Variants in GRIA4 observed in about 807,000 individuals in gnomAD.
GRIA4 encodes the protein glutamate receptor 4.
GRIA4 carries 34 observed loss-of-function variants against 104.0 expected under a neutral mutation model. The ratio of observed to expected loss-of-function variants is 0.33; its 90% CI spans 0.25 to 0.44. GRIA4 has a LOEUF of 0.44. Ranked by LOEUF, GRIA4 falls within the 20% of genes least tolerant of loss-of-function variation. GRIA4 has a pLI of 1.00. For missense variants in GRIA4, 750 were observed against 1,096.5 expected (o/e 0.68, Z 4.46); for synonymous variants, 386 against 381.9 (o/e 1.01, Z -0.13).
intron 4 of GRIA4, among the ~76,000 whole-genome samples, chr11:105,811,662 C>T (rs537896279): frequency 1.3e-5 from 2 of 152,068 alleles, no homozygotes; most frequent in African/African-American, 4.8e-5. Context: ...AACAATGCAG[C>T]AAATTTTTTG....
chr11:105,728,981 G>A (rs1466184925), intron 3 of GRIA4, among the ~76,000 whole-genome samples: 1 of 152,072 alleles, frequency 6.6e-6, no homozygotes, highest in Non-Finnish European at 1.5e-5. Context: ...AAAGCTAGCA[G>A]AAGACAAGAA....
chr11:105,656,668 T>C (rs2135399210), intron 3 of GRIA4, among the ~76,000 whole-genome samples: 1 of 152,158 alleles, frequency 6.6e-6, no homozygotes, highest in South Asian at 2.1e-4. Flanking sequence ...ATTTTTTTTG[T>C]TTGACTTATT....
intron 3 of GRIA4, among the ~76,000 whole-genome samples, chr11:105,654,813 T>C (rs1434637280): frequency 2.6e-5 from 4 of 152,150 alleles, no homozygotes; most frequent in Non-Finnish European, 5.9e-5. Flanking sequence ...CAAGTCTTGG[T>C]ACACAGACTC....
intron 5 of GRIA4, among the ~76,000 whole-genome samples, chr11:105,870,962 A>C (rs1945591752): frequency 6.6e-6 from 1 of 152,096 alleles, no homozygotes; most frequent in African/African-American, 2.4e-5. Flanking sequence ...ATGATACTTC[A>C]TCTGTAGACT....
chr11:105,799,468 C>T (rs999867382), intron 4 of GRIA4, among the ~76,000 whole-genome samples: 2 of 151,850 alleles, frequency 1.3e-5, no homozygotes, highest in East Asian at 3.9e-4. Context: ...TAGGGTGATG[C>T]AATAATCAAC....
intron 3 of GRIA4, among the ~76,000 whole-genome samples, chr11:105,704,030 C>T (rs1487668520): frequency 6.6e-6 from 1 of 151,946 alleles, no homozygotes; most frequent in East Asian, 1.9e-4. Flanking sequence ...TTCATTATTC[C>T]TCTATGTCTA....
intron 4 of GRIA4, among the ~76,000 whole-genome samples, chr11:105,834,513 T>C (rs1046319463): frequency 2.6e-5 from 4 of 151,972 alleles, no homozygotes; most frequent in African/African-American, 9.7e-5. Context: ...ACTCCACTAA[T>C]TAAGTGTGTT....
chr11:105,723,919 C>T (rs1320411311), intron 3 of GRIA4, among the ~76,000 whole-genome samples: 1 of 152,042 alleles, frequency 6.6e-6, no homozygotes, highest in East Asian at 1.9e-4. Flanking sequence ...AAATGCTCAA[C>T]ATCACTAATA....
rs187185855 is a variant in GRIA4, at chr11:105,831,838, G to A, written c.488-30186G>A. Among the ~76,000 whole-genome samples, 251 of 152,110 alleles carry A rather than the reference G, an allele frequency of 1.7e-3. 1 individual carries two copies. Among genetic ancestry groups the A allele is most frequent in the Middle Eastern group, 0.01 (3 of 294 alleles). Reference sequence around the variant, plus strand: ...ATTGGCTTCATTCTAAGACGCCATCGTATGAATGACACCCTTCAGAGTTGT... The same window carrying A: ...ATTGGCTTCATTCTAAGACGCCATCATATGAATGACACCCTTCAGAGTTGT... On this transcript the variant is annotated intron_variant, in intron 4 of 16. Coordinates refer to ENST00000282499, the MANE Select transcript of GRIA4 (RefSeq NM_000829.4).
At chr11:105,875,337 C>T (rs1285838932) in intron 5 of GRIA4, among the ~76,000 whole-genome samples, 1 of 152,006 alleles carries the variant, frequency 6.6e-6, no homozygotes, top group East Asian at 1.9e-4. Context: ...TGAGGATTTT[C>T]GCATTGATGT....
At chr11:105,650,185 C>T (rs1020000293) in intron 3 of GRIA4, among the ~76,000 whole-genome samples, 1 of 152,146 alleles carries the variant, frequency 6.6e-6, no homozygotes, top group Non-Finnish European at 1.5e-5. Flanking sequence ...AAAATTATAA[C>T]TTGAAAATGG....
intron 3 of GRIA4, among the ~76,000 whole-genome samples, chr11:105,752,673 G>C (rs1940072075): frequency 6.6e-6 from 1 of 152,036 alleles, no homozygotes; most frequent in Non-Finnish European, 1.5e-5. Context: ...CATAGGATTT[G>C]CCACATTATT....
intron 3 of GRIA4, among the ~76,000 whole-genome samples, chr11:105,660,719 A>G (rs1369409520): frequency 6.6e-6 from 1 of 151,454 alleles, no homozygotes; most frequent in Non-Finnish European, 1.5e-5. Context: ...GGATGGGGGG[A>G]ATCGACTATT....
chr11:105,784,897 A>T lies in GRIA4; in HGVS notation c.487+31677A>T, dbSNP rs564386991. On this transcript the variant is annotated intron_variant, in intron 4 of 16. Coordinates refer to ENST00000282499, the MANE Select transcript of GRIA4 (RefSeq NM_000829.4). ...TACAGCCATGATTTGTAAATTAGAG[A>T]TTCTGATTCAGTGGATATAGGATAA... Among the ~76,000 whole-genome samples the T allele has an allele frequency of 1.5e-3, 229 of 152,300 alleles. 1 individual carries two copies. The highest frequency in any genetic ancestry group is 0.01 in the Middle Eastern group (3 of 294).
intron 10 of GRIA4, among the ~76,000 whole-genome samples, chr11:105,911,432 T>C (rs962707168): frequency 3.3e-5 from 5 of 151,946 alleles, no homozygotes; most frequent in African/African-American, 9.7e-5. Context: ...TCACGTCTCT[T>C]TAGGCAAAAC....
At chr11:105,864,535 AATG>A (rs1435810645) in intron 5 of GRIA4, among the ~76,000 whole-genome samples, 1 of 152,226 alleles carries the variant, frequency 6.6e-6, no homozygotes, top group Non-Finnish European at 1.5e-5. Flanking sequence ...AAATTAATAC[AATG>A]ATGATAAAGT....
At chr11:105,797,802 C>G (rs1942546930) in intron 4 of GRIA4, 1 of 455,730 alleles carries the variant, frequency 2.2e-6, no homozygotes, top group Non-Finnish European at 4.4e-6. Context: ...TTTATGTGCT[C>G]TACAACAAGA....
At chr11:105,876,624 A>G (rs2136067200) in intron 5 of GRIA4, among the ~76,000 whole-genome samples, 1 of 152,196 alleles carries the variant, frequency 6.6e-6, no homozygotes, top group East Asian at 1.9e-4. Context: ...TATATTTAGG[A>G]TCGTTAGCTC....
chr11:105,723,092 G>T (rs1591140994), intron 3 of GRIA4, among the ~76,000 whole-genome samples: 2 of 152,164 alleles, frequency 1.3e-5, no homozygotes, highest in South Asian at 4.1e-4. Context: ...TGAAGAAGTA[G>T]ACCGCTGGCT....
Sources: allele counts gnomAD v4.1 joint callset (sites outside exome capture counted in the v4.1 genomes callset), GRCh38; gene constraint gnomAD v4.1.1; transcripts MANE v1.5; gene names NCBI Gene and HGNC (gene_info 2026-07-23, HGNC 2026-07-21).